The following PFDN2 variants were observed in gnomAD, a reference collection of about 807,000 sequenced individuals.
The protein encoded by PFDN2 is prefoldin subunit 2, also known as prefoldin 2.
Under a neutral mutation model 18.3 loss-of-function variants are expected in PFDN2, and 7 were observed. That is an observed-to-expected ratio of 0.38 (90% confidence interval 0.22 to 0.72). The LOEUF is 0.72. PFDN2 is among the 30% of genes least tolerant of loss of function. The pLI is 0.47. For synonymous variants in PFDN2, 76 were observed against 75.0 expected, an observed-to-expected ratio of 1.01 and a Z score of -0.07; for missense variants, 181 against 199.1, an observed-to-expected ratio of 0.91 and a Z score of 0.55.
intron 1 of PFDN2, among the ~76,000 whole-genome samples, chr1:161,114,702 T>G (rs965030976): frequency 2.6e-5 from 4 of 152,200 alleles, no homozygotes; most frequent in Admixed American, 1.3e-4. Context: ...GGCCAAGATG[T>G]AACTCATGGG....
chr1:161,100,972 T>A, intron 3 of PFDN2, 113 bp from the exon 4 acceptor site: 1 of 701,354 alleles, frequency 1.4e-6, no homozygotes, highest in Non-Finnish European at 2.4e-6. Context: ...TTTAACCAAG[T>A]AGAGGAGCCC....
chr1:161,104,597 A>G (rs1011279409), intron 1 of PFDN2, among the ~76,000 whole-genome samples: 1 of 151,806 alleles, frequency 6.6e-6, no homozygotes, highest in Non-Finnish European at 1.5e-5. Context: ...GGTGCACACC[A>G]CCTAATATTT....
chr1:161,115,283 C>T (rs927769448), intron 1 of PFDN2, among the ~76,000 whole-genome samples: 14 of 152,110 alleles, frequency 9.2e-5, no homozygotes, highest in Non-Finnish European at 1.8e-4. Context: ...AAGCTGGTCT[C>T]GAACTCCTGA....
At chr1:161,105,551 G>A (rs1046919608) in intron 1 of PFDN2, among the ~76,000 whole-genome samples, 14 of 151,760 alleles carry the variant, frequency 9.2e-5, no homozygotes, top group Admixed American at 1.3e-4. Flanking sequence ...TCCGCCTCCC[G>A]GGTTCAAGCG....
At chr1:161,103,856 G>A (rs990380031) in intron 1 of PFDN2, among the ~76,000 whole-genome samples, 3 of 151,960 alleles carry the variant, frequency 2.0e-5, no homozygotes, top group African/African-American at 7.3e-5. Flanking sequence ...AAAATATGAG[G>A]CTCAGAGACA....
intron 1 of PFDN2, among the ~76,000 whole-genome samples, chr1:161,112,580 C>A (rs1382047557): frequency 1.3e-5 from 2 of 152,292 alleles, no homozygotes; most frequent in Non-Finnish European, 2.9e-5. Flanking sequence ...ACTACAGGCA[C>A]TTGCCACCAT....
chr1:161,113,426 AT>A (rs1402905476), intron 1 of PFDN2, among the ~76,000 whole-genome samples: 1 of 152,262 alleles, frequency 6.6e-6, no homozygotes, highest in African/African-American at 2.4e-5. Flanking sequence ...TGAAATTAAA[AT>A]GTCCTCACCT....
In PFDN2 at chr1:161,100,741, T is replaced by C. The variant is rs1571179779; in HGVS notation, c.407A>G (p.Lys136Arg). ...AGCCCCAGCCCCTTCTGAGTTTTCC[T>C]TGGCTGCTGGCTTCTCATCTTCTCC... Reference protein sequence around the residue: ...LMGEDEKPAAKENSEGAGAKA... With the variant: ...LMGEDEKPAARENSEGAGAKA... Residue 136 changes from lysine (K) to arginine (R), a missense_variant, in exon 4 of 4, where the codon AAG becomes AGG. Transcript: ENST00000368010. 5 of 1,614,190 alleles carry C rather than the reference T, an allele frequency of 3.1e-6. No homozygotes were observed. Among genetic ancestry groups the C allele is most frequent in the African/African-American group, 1.3e-5 (1 of 75,056 alleles).
At chr1:161,106,116 T>C (rs1261658275) in intron 1 of PFDN2, among the ~76,000 whole-genome samples, 1 of 152,158 alleles carries the variant, frequency 6.6e-6, no homozygotes, top group Non-Finnish European at 1.5e-5. Flanking sequence ...ACACAAGATC[T>C]GGTTCTTTAA....
At chr1:161,115,407 G>A (rs956586472) in intron 1 of PFDN2, among the ~76,000 whole-genome samples, 2 of 152,182 alleles carry the variant, frequency 1.3e-5, no homozygotes, top group African/African-American at 4.8e-5. Context: ...TGAATAGCGT[G>A]ATGAAATCTC....
At chr1:161,113,273 A>C (rs1165827025) in intron 1 of PFDN2, among the ~76,000 whole-genome samples, 1 of 152,098 alleles carries the variant, frequency 6.6e-6, no homozygotes, top group Non-Finnish European at 1.5e-5. Context: ...TACCTGTTCA[A>C]ATCCATCCAC....
intron 1 of PFDN2, among the ~76,000 whole-genome samples, chr1:161,105,703 C>T (rs1321366812): frequency 1.3e-5 from 2 of 152,184 alleles, no homozygotes; most frequent in African/African-American, 4.8e-5. Context: ...AGGTGATCCA[C>T]CCACCTCAGA....
chr1:161,109,710 G>A (rs1280089270), intron 1 of PFDN2, among the ~76,000 whole-genome samples: 2 of 151,582 alleles, frequency 1.3e-5, no homozygotes, highest in Non-Finnish European at 2.9e-5. Flanking sequence ...AACATAGTGT[G>A]GATCCAGGCA....
intron 1 of PFDN2, among the ~76,000 whole-genome samples, chr1:161,102,718 G>C (rs1388266861): frequency 6.6e-6 from 1 of 152,092 alleles, no homozygotes; most frequent in Non-Finnish European, 1.5e-5. Flanking sequence ...CCAGCACTTT[G>C]GGAGGCCAAG....
At chr1:161,102,619 C>A (rs1464195529) in intron 1 of PFDN2, among the ~76,000 whole-genome samples, 2 of 152,116 alleles carry the variant, frequency 1.3e-5, no homozygotes, top group Non-Finnish European at 2.9e-5. Context: ...ATAGATTTGG[C>A]CTCTGGCTTC....
At chr1:161,110,009 G>A (rs1372906070) in intron 1 of PFDN2, among the ~76,000 whole-genome samples, 2 of 151,200 alleles carry the variant, frequency 1.3e-5, no homozygotes, top group Non-Finnish European at 2.9e-5. Flanking sequence ...AACCCAGATT[G>A]TGCCATTACA....
At chr1:161,102,261 TG>T in intron 2 of PFDN2, 25 bp downstream of exon 2, 1 of 1,612,990 alleles carries the variant, frequency 6.2e-7, no homozygotes, top group Non-Finnish European at 8.5e-7. Context: ...ACTGTCCTAC[TG>T]TTTGCCTCTC....
At chr1:161,101,662 A>G (rs1294355929) in intron 3 of PFDN2, among the ~76,000 whole-genome samples, 2 of 152,188 alleles carry the variant, frequency 1.3e-5, no homozygotes, top group Non-Finnish European at 2.9e-5. Context: ...TCCCACCCCA[A>G]TTCAGCCAAG....
intron 1 of PFDN2, among the ~76,000 whole-genome samples, chr1:161,114,903 C>T (rs1448936298): frequency 6.6e-6 from 1 of 152,176 alleles, no homozygotes; most frequent in Non-Finnish European, 1.5e-5. Flanking sequence ...TTGTGCAGCA[C>T]ACTATAAATC....
Sources: gnomAD v4.1 joint callset for allele counts (sites outside exome capture counted in the v4.1 genomes callset) on GRCh38, gnomAD v4.1.1 for gene constraint, MANE v1.5 for transcripts, NCBI Gene and HGNC (gene_info 2026-07-23, HGNC 2026-07-21) for gene names.